The following ADAMTS18 variants were observed in gnomAD, a reference collection of about 807,000 sequenced individuals.
ADAMTS18 encodes A disintegrin and metalloproteinase with thrombospondin motifs 18.
ADAMTS18 carries 157 observed loss-of-function variants against 165.9 expected under a neutral mutation model. The observed-to-expected ratio is 0.95, with a 90% CI of 0.83 to 1.08. The LOEUF (loss-of-function observed/expected upper bound fraction) is 1.08. Among genes scored for constraint, ADAMTS18 ranks in the 50% least tolerant of loss-of-function variants. ADAMTS18 has a pLI of 0.00. For missense variants in ADAMTS18, 2,040 were observed against 1,534.0 expected (o/e 1.33, Z -5.51); for synonymous variants, 782 against 578.2 (o/e 1.35, Z -5.06).
In ADAMTS18 at chr16:77,411,677, A is replaced by ATTTTTTTTT. The variant is rs34453966; in HGVS notation, c.495+19609_495+19617dup. ...CTTGATGGACCACAGAGTATCCAGAATTTTTTTTTTTTTTTTTTTTTTTTT... is the reference window on the plus strand; with the variant it reads ...CTTGATGGACCACAGAGTATCCAGAATTTTTTTTTTTTTTTTTTTTTTTTTTTTTTTTTT... On this transcript the variant is annotated intron_variant, in intron 3 of 22. Transcript: ENST00000282849. Among the ~76,000 whole-genome samples the ATTTTTTTTT allele has an allele frequency of 5.7e-4, 42 of 73,902 alleles. 4 individuals are homozygous for ATTTTTTTTT. Among genetic ancestry groups the ATTTTTTTTT allele is most frequent in the African/African-American group, 2.1e-3 (39 of 18,764 alleles). 48.5% of individuals were successfully genotyped at this position (73,902 alleles called of 152,430 possible). A position where few individuals can be genotyped will look rare whatever the true frequency, so the allele number is the denominator to read the frequency against.
chr16:77,371,671 G>A (rs1320478282), intron 3 of ADAMTS18, among the ~76,000 whole-genome samples: 1 of 152,134 alleles, frequency 6.6e-6, no homozygotes, highest in Non-Finnish European at 1.5e-5. Flanking sequence ...GAAACTACTA[G>A]AAGAAAACAT....
chr16:77,358,863 T>G (rs2056669831), intron 8 of ADAMTS18, among the ~76,000 whole-genome samples: 1 of 152,230 alleles, frequency 6.6e-6, no homozygotes. Flanking sequence ...AAGGAAGATT[T>G]AGTGACACCA....
intron 3 of ADAMTS18, among the ~76,000 whole-genome samples, chr16:77,372,188 C>A (rs576843248): frequency 7.9e-5 from 12 of 152,194 alleles, no homozygotes; most frequent in African/African-American, 2.6e-4. Context: ...TTAGTATAGC[C>A]ATTATGGAAA....
At chr16:77,431,918 T>A (rs1170387321) in intron 2 of ADAMTS18, among the ~76,000 whole-genome samples, 2 of 152,228 alleles carry the variant, frequency 1.3e-5, no homozygotes, top group African/African-American at 4.8e-5. Flanking sequence ...TCTTTTGATG[T>A]TTAATGGTCT....
intron 3 of ADAMTS18, among the ~76,000 whole-genome samples, chr16:77,426,884 C>A (rs568651366): frequency 7.2e-5 from 11 of 152,156 alleles, no homozygotes; most frequent in Admixed American, 2.0e-4. Context: ...TGTGGTGGTA[C>A]GTGCCTGTAG....
intron 11 of ADAMTS18, among the ~76,000 whole-genome samples, chr16:77,339,118 T>G (rs1170543407): frequency 6.6e-6 from 1 of 152,094 alleles, no homozygotes; most frequent in African/African-American, 2.4e-5. Context: ...CCTGCTACTG[T>G]GTGTCAGACA....
chr16:77,424,222 A>T (rs1325234519), intron 3 of ADAMTS18, among the ~76,000 whole-genome samples: 1 of 152,144 alleles, frequency 6.6e-6, no homozygotes, highest in Non-Finnish European at 1.5e-5. Flanking sequence ...TAATCCCAGC[A>T]CTTTGGGAGG....
chr16:77,331,829 G>C (rs9929799), intron 12 of ADAMTS18, among the ~76,000 whole-genome samples: 53,949 of 151,982 alleles, frequency 0.35, 10,449 homozygotes, highest in East Asian at 0.62. Context: ...TGCGATATTC[G>C]AAGCAGCACC....
chr16:77,305,196 C>T (rs997376030), intron 16 of ADAMTS18, among the ~76,000 whole-genome samples: 5 of 152,092 alleles, frequency 3.3e-5, no homozygotes, highest in African/African-American at 9.7e-5. Context: ...ATGCTCTTTG[C>T]CCCCATCTTT....
intron 3 of ADAMTS18, among the ~76,000 whole-genome samples, chr16:77,391,800 G>T (rs2057191232): frequency 6.6e-6 from 1 of 152,072 alleles, no homozygotes; most frequent in African/African-American, 2.4e-5. Context: ...TCAGGCAAGG[G>T]GACCCAGGAA....
intron 12 of ADAMTS18, among the ~76,000 whole-genome samples, chr16:77,333,965 AAT>A (rs1258369428): frequency 7.2e-6 from 1 of 138,700 alleles, no homozygotes; most frequent in Non-Finnish European, 1.5e-5. Context: ...TACTATATAT[AAT>A]ATAGTGTCAT....
intron 14 of ADAMTS18, among the ~76,000 whole-genome samples, chr16:77,321,547 C>G (rs2055998855): frequency 6.6e-6 from 1 of 152,018 alleles, no homozygotes; most frequent in East Asian, 1.9e-4. Context: ...TGCATGTGTA[C>G]AAACATACAC....
chr16:77,385,805 T>C (rs1308223901), intron 3 of ADAMTS18, among the ~76,000 whole-genome samples: 1 of 152,126 alleles, frequency 6.6e-6, no homozygotes, highest in Non-Finnish European at 1.5e-5. Context: ...AAACAGCTGG[T>C]CCCAATTTTT....
At chr16:77,322,909 AT>A (rs1347223248) in intron 13 of ADAMTS18, among the ~76,000 whole-genome samples, 1 of 152,164 alleles carries the variant, frequency 6.6e-6, no homozygotes, top group Non-Finnish European at 1.5e-5. Context: ...TAGAGCATGG[AT>A]TACTTTAGAT....
chr16:77,382,692 T>C (rs72801654), intron 3 of ADAMTS18, among the ~76,000 whole-genome samples: 5 of 152,298 alleles, frequency 3.3e-5, no homozygotes, highest in African/African-American at 4.8e-5. Flanking sequence ...AGGTTATCAT[T>C]TGGAAAACAC....
At chr16:77,374,615 G>A (rs1221270939) in intron 3 of ADAMTS18, among the ~76,000 whole-genome samples, 1 of 152,140 alleles carries the variant, frequency 6.6e-6, no homozygotes, top group Non-Finnish European at 1.5e-5. Flanking sequence ...TTCCTTACTT[G>A]GCTCAACTAA....
At chr16:77,338,090 G>C (rs1342333146) in intron 11 of ADAMTS18, among the ~76,000 whole-genome samples, 1 of 152,052 alleles carries the variant, frequency 6.6e-6, no homozygotes, top group Non-Finnish European at 1.5e-5. Context: ...TTTTAGCAGA[G>C]ACAGGGTTTC....
At chr16:77,405,794 T>A (rs991551215) in intron 3 of ADAMTS18, among the ~76,000 whole-genome samples, 4 of 152,092 alleles carry the variant, frequency 2.6e-5, no homozygotes, top group South Asian at 2.1e-4. Flanking sequence ...GAGAAGGAGA[T>A]CTCTGGTATC....
intron 10 of ADAMTS18, among the ~76,000 whole-genome samples, chr16:77,344,536 C>A (rs1259798805): frequency 6.6e-6 from 1 of 152,092 alleles, no homozygotes; most frequent in Non-Finnish European, 1.5e-5. Flanking sequence ...AATGATTAAA[C>A]CTACACTTAG....
Sources: gnomAD v4.1 joint callset for allele counts (sites outside exome capture counted in the v4.1 genomes callset) on GRCh38, gnomAD v4.1.1 for gene constraint, MANE v1.5 for transcripts, NCBI Gene and HGNC (gene_info 2026-07-23, HGNC 2026-07-21) for gene names.